Variants in SAMD3 observed in about 807,000 individuals in gnomAD.
The protein encoded by SAMD3 is sterile alpha motif domain containing 3, also known as sterile alpha motif domain-containing protein 3.
SAMD3 carries 63 observed loss-of-function variants against 58.5 expected under a neutral mutation model. That is an observed-to-expected ratio of 1.08 (90% confidence interval 0.88 to 1.33). SAMD3 has a LOEUF of 1.33. Among genes scored for constraint, SAMD3 ranks in the 40% most tolerant of loss-of-function variants. The pLI, the probability that SAMD3 is intolerant of heterozygous loss-of-function variation, is 0.00. For synonymous variants in SAMD3, 220 were observed against 210.3 expected (o/e 1.05, Z -0.40); for missense variants, 604 against 608.4 (o/e 0.99, Z 0.08).
At chr6:130,149,609 G>A (rs890238070) in intron 9 of SAMD3, among the ~76,000 whole-genome samples, 2 of 152,268 alleles carry the variant, frequency 1.3e-5, no homozygotes, top group South Asian at 2.1e-4. Flanking sequence ...ATTAATGCAG[G>A]ACTAGAAAAC....
chr6:130,150,639 TGA>T (rs760676369), intron 9 of SAMD3, among the ~76,000 whole-genome samples: 2 of 152,078 alleles, frequency 1.3e-5, no homozygotes, highest in Non-Finnish European at 2.9e-5. Flanking sequence ...TTCTCACTCA[TGA>T]GGCATTGTTT....
intron 8 of SAMD3, among the ~76,000 whole-genome samples, chr6:130,169,942 A>G (rs1222080811): frequency 6.6e-6 from 1 of 152,228 alleles, no homozygotes; most frequent in African/African-American, 2.4e-5. Flanking sequence ...GGGGAAACTG[A>G]ATGGAAAGGA....
At chr6:130,244,741 AAAAAAATAAAAATAAAAAT>A (rs1773480483) in intron 2 of SAMD3, among the ~76,000 whole-genome samples, 1 of 127,226 alleles carries the variant, frequency 7.9e-6, no homozygotes, top group East Asian at 2.2e-4. Flanking sequence ...CTGTCTCAAA[AAAAAAATAAAAATAAAAAT>A]AAAAATAAAA....
chr6:130,338,722 G>T (rs192881044), intron 1 of SAMD3, among the ~76,000 whole-genome samples: 1 of 152,200 alleles, frequency 6.6e-6, no homozygotes, highest in African/African-American at 2.4e-5. Flanking sequence ...TCAGACTTGC[G>T]TGAGGCCTAC....
intron 2 of SAMD3, among the ~76,000 whole-genome samples, chr6:130,268,028 A>G (rs7739747): frequency 0.31 from 47,228 of 151,978 alleles, 7,712 homozygotes; most frequent in East Asian, 0.47. Context: ...TCATGTAGTG[A>G]CATTGTAACC....
chr6:130,146,281 GT>G, intron 9 of SAMD3, 100 bp from the exon 10 acceptor site: 1 of 637,970 alleles, frequency 1.6e-6, no homozygotes, highest in Non-Finnish European at 2.4e-6. Flanking sequence ...TTGAATGCTG[GT>G]TTACACTAAG....
At position 130,292,176 on chromosome 6, in the gene SAMD3, G is replaced by A. The variant is rs528754504; in HGVS notation, c.-188+20802C>T. Among the ~76,000 whole-genome samples, 25 of 152,128 alleles carry A rather than the reference G, an allele frequency of 1.6e-4. No homozygotes were observed. In the South Asian group the frequency reaches 4.4e-3, roughly 27 times the overall value. On this transcript the variant is annotated intron_variant, in intron 2 of 13. Coordinates refer to the SAMD3 transcript ENST00000368134. ...AGGCAGAGCCACTGACCCAGAATGC[G>A]GATCCTAGATTTTCACATTTTGAAC...
intron 2 of SAMD3, among the ~76,000 whole-genome samples, chr6:130,282,259 G>A (rs1338416691): frequency 6.6e-6 from 1 of 152,158 alleles, no homozygotes; most frequent in Non-Finnish European, 1.5e-5. Context: ...AAATGGCCTT[G>A]TGTTCTAGTC....
intron 2 of SAMD3, among the ~76,000 whole-genome samples, chr6:130,302,692 G>C (rs1775791672): frequency 6.6e-6 from 1 of 152,170 alleles, no homozygotes; most frequent in South Asian, 2.1e-4. Context: ...GACCATCAGT[G>C]GTGGGTTCGA....
At chr6:130,352,396 G>A (rs1421347074) in intron 1 of SAMD3, among the ~76,000 whole-genome samples, 2 of 152,054 alleles carry the variant, frequency 1.3e-5, no homozygotes, top group Non-Finnish European at 2.9e-5. Context: ...AACTTAAGGA[G>A]TTTTGAATTG....
chr6:130,170,242 C>T (rs1223933453), intron 8 of SAMD3, among the ~76,000 whole-genome samples: 1 of 152,176 alleles, frequency 6.6e-6, no homozygotes, highest in Non-Finnish European at 1.5e-5. Context: ...GTTCCCCTCC[C>T]TGTGTCCATG....
chr6:130,168,771 T>C (rs966303842), intron 8 of SAMD3, among the ~76,000 whole-genome samples: 8 of 152,186 alleles, frequency 5.3e-5, no homozygotes, highest in African/African-American at 1.7e-4. Flanking sequence ...CCCAAGTGTG[T>C]CTTAAACATT....
intron 5 of SAMD3, among the ~76,000 whole-genome samples, chr6:130,187,876 C>T (rs1325329400): frequency 6.6e-6 from 1 of 152,180 alleles, no homozygotes; most frequent in Non-Finnish European, 1.5e-5. Context: ...CAAGGTATCT[C>T]AATCCTGGGT....
intron 2 of SAMD3, among the ~76,000 whole-genome samples, chr6:130,266,780 C>G (rs1261090962): frequency 6.6e-6 from 1 of 152,136 alleles, no homozygotes; most frequent in Non-Finnish European, 1.5e-5. Flanking sequence ...AACAGGCGAA[C>G]TCCTAGGCTT....
chr6:130,200,342 C>A (rs759718684), intron 5 of SAMD3, among the ~76,000 whole-genome samples: 3 of 150,514 alleles, frequency 2.0e-5, no homozygotes, highest in Non-Finnish European at 4.4e-5. Flanking sequence ...GAGATAGAGA[C>A]CATCCTGGCT....
intron 1 of SAMD3, among the ~76,000 whole-genome samples, chr6:130,321,929 T>C (rs1263586341): frequency 6.6e-6 from 1 of 152,180 alleles, no homozygotes; most frequent in Non-Finnish European, 1.5e-5. Context: ...AGAAATTCCT[T>C]AAGCTACTGT....
At chr6:130,161,953 C>T (rs963411692) in intron 8 of SAMD3, 4 of 263,292 alleles carry the variant, frequency 1.5e-5, no homozygotes, top group Admixed American at 5.4e-5. Context: ...AATGGAGGGC[C>T]GTGCTCAAGG....
chr6:130,206,719 TA>T (rs1795115213), intron 5 of SAMD3, among the ~76,000 whole-genome samples: 1 of 152,202 alleles, frequency 6.6e-6, no homozygotes, highest in South Asian at 2.1e-4. Flanking sequence ...GAGATAAAGA[TA>T]GGGGCGTGCC....
chr6:130,258,811 G>T (rs1033633910), intron 2 of SAMD3, among the ~76,000 whole-genome samples: 1 of 152,112 alleles, frequency 6.6e-6, no homozygotes, highest in Non-Finnish European at 1.5e-5. Context: ...ATATCCCACA[G>T]ATTTGATGTT....
Sources: allele counts gnomAD v4.1 joint callset (sites outside exome capture counted in the v4.1 genomes callset), GRCh38; gene constraint gnomAD v4.1.1; transcripts MANE v1.5; gene names NCBI Gene and HGNC (gene_info 2026-07-23, HGNC 2026-07-21).